Variants in PCDHA2 observed in about 807,000 individuals in gnomAD.
The protein encoded by PCDHA2 is protocadherin alpha-2.
PCDHA2 carries 58 observed loss-of-function variants against 66.0 expected under a neutral mutation model. The ratio of observed to expected loss-of-function variants is 0.88; its 90% confidence interval spans 0.71 to 1.09. The LOEUF (loss-of-function observed/expected upper bound fraction) is 1.09. Among genes scored for constraint, PCDHA2 ranks in the 50% least tolerant of loss-of-function variants. PCDHA2 has a pLI of 0.00. For missense variants in PCDHA2, 1,267 were observed against 1,242.3 expected (o/e 1.02, Z -0.30); for synonymous variants, 634 against 554.0 (o/e 1.14, Z -2.03).
At chr5:140,974,291 A>G (rs1417274006) in intron 1 of PCDHA2, among the ~76,000 whole-genome samples, 1 of 152,196 alleles carries the variant, frequency 6.6e-6, no homozygotes, top group Admixed American at 6.5e-5. Context: ...CTGGGCTCCA[A>G]GGAGGTACAA....
chr5:140,935,051 C>T (rs1554210307), intron 1 of PCDHA2, among the ~76,000 whole-genome samples: 1 of 152,096 alleles, frequency 6.6e-6, no homozygotes, highest in African/African-American at 2.4e-5. Context: ...TCTGGTATTA[C>T]AAGATGTTCA....
intron 1 of PCDHA2, chr5:140,812,723 C>A (rs1765166434): frequency 6.6e-6 from 1 of 152,228 alleles, no homozygotes; most frequent in Admixed American, 6.5e-5. Context: ...ATTCCCAAAG[C>A]ACTGGGATTA....
At chr5:140,970,693 G>C (rs2096425356) in intron 1 of PCDHA2, among the ~76,000 whole-genome samples, 1 of 152,134 alleles carries the variant, frequency 6.6e-6, no homozygotes, top group South Asian at 2.1e-4. Flanking sequence ...AGGGCTTTTA[G>C]AGCTACTACA....
chr5:140,823,533 G>C, intron 1 of PCDHA2: 1 of 1,613,766 alleles, frequency 6.2e-7, no homozygotes, highest in Non-Finnish European at 8.5e-7. Context: ...CAGTGGGTGC[G>C]GGCCACGTGG....
chr5:140,967,299 G>T, intron 1 of PCDHA2: 3 of 1,612,674 alleles, frequency 1.9e-6, no homozygotes, highest in Non-Finnish European at 2.5e-6. Flanking sequence ...CCCGACGTGG[G>T]CGCCAACTCA....
intron 1 of PCDHA2, among the ~76,000 whole-genome samples, chr5:140,908,920 C>A (rs782461394): frequency 6.6e-5 from 10 of 152,180 alleles, no homozygotes; most frequent in Admixed American, 1.3e-4. Flanking sequence ...GTAGGAGGGG[C>A]CAAATGCAGC....
intron 1 of PCDHA2, chr5:140,862,524 C>T: frequency 4.8e-6 from 2 of 417,532 alleles, no homozygotes; most frequent in Middle Eastern, 9.1e-4. Context: ...TTGTTGGCCA[C>T]AGCCATCGGG....
At chr5:140,857,658 G>A (rs17844344) in intron 1 of PCDHA2, 3 of 1,596,790 alleles carry the variant, frequency 1.9e-6, no homozygotes, top group East Asian at 2.2e-5. Context: ...GTGAGCGCGC[G>A]CGATGGGGGC....
intron 3 of PCDHA2, among the ~76,000 whole-genome samples, chr5:141,002,953 T>G (rs2098104496): frequency 1.3e-5 from 2 of 152,230 alleles, no homozygotes; most frequent in Non-Finnish European, 2.9e-5. Context: ...CATGCCCCTC[T>G]GAGAGCTTTC....
intron 1 of PCDHA2, chr5:140,850,491 C>T (rs2150486292): frequency 1.3e-6 from 2 of 1,597,970 alleles, no homozygotes; most frequent in South Asian, 1.1e-5. Flanking sequence ...GGCCACTGTG[C>T]TGGTGTCGCT....
intron 3 of PCDHA2, among the ~76,000 whole-genome samples, chr5:140,985,922 G>A (rs1361292887): frequency 6.6e-6 from 1 of 151,826 alleles, no homozygotes; most frequent in African/African-American, 2.4e-5. Flanking sequence ...TGTATTTTTA[G>A]TAGAGCCGGG....
At chr5:140,842,661 A>G in intron 1 of PCDHA2, 1 of 1,595,428 alleles carries the variant, frequency 6.3e-7, no homozygotes, top group Non-Finnish European at 8.6e-7. Flanking sequence ...GAGGTGGCCG[A>G]CGTGAACGAC....
chr5:140,969,542 C>A, intron 1 of PCDHA2: 1 of 1,279,482 alleles, frequency 7.8e-7, no homozygotes, highest in Non-Finnish European at 1.1e-6. Context: ...TTTTCAGAGG[C>A]ATGAAGCCTT....
chr5:140,966,852 T>C, intron 1 of PCDHA2: 1 of 1,572,518 alleles, frequency 6.4e-7, no homozygotes, highest in South Asian at 1.1e-5. Flanking sequence ...CTGCCTCTCC[T>C]GCTGCTGTTG....
chr5:140,993,528 A>T lies in PCDHA2; in HGVS notation c.2536+10965A>T, dbSNP rs78672098. On this transcript the variant is annotated intron_variant, in intron 3 of 3. Transcript: ENST00000526136. ...CACACACGGGGAGAGAGAGACAGAG[A>T]GAGAGAGAGATAGAGAAGTGAAGTA... Among the ~76,000 whole-genome samples the T allele has an allele frequency of 6.6e-5, 10 of 152,092 alleles. No individual in the cohort carries two copies. In the East Asian group the frequency reaches 1.2e-3, roughly 18 times the overall value.
intron 1 of PCDHA2, chr5:140,881,502 A>G: frequency 1.2e-5 from 3 of 249,864 alleles, no homozygotes; most frequent in Non-Finnish European, 1.9e-5. Context: ...ACATACACAC[A>G]CTCACATACA....
At chr5:140,963,556 T>A (rs891498931) in intron 1 of PCDHA2, among the ~76,000 whole-genome samples, 28 of 152,238 alleles carry the variant, frequency 1.8e-4, no homozygotes, top group Non-Finnish European at 3.4e-4. Context: ...AAAAAGGGGC[T>A]GTTTTCTGGT....
intron 1 of PCDHA2, chr5:140,869,206 G>T (rs192388233): frequency 7.4e-6 from 12 of 1,613,854 alleles, no homozygotes; most frequent in African/African-American, 1.3e-5. Flanking sequence ...CCACTACTCC[G>T]TCTCGGAGGA....
At chr5:140,862,674 C>G (rs782474067) in intron 1 of PCDHA2, 12 of 549,972 alleles carry the variant, frequency 2.2e-5, no homozygotes, top group African/African-American at 3.8e-5. Flanking sequence ...CGCAGGAGAA[C>G]GTGCTGGTGT....
Sources: gnomAD v4.1 joint callset for allele counts (sites outside exome capture counted in the v4.1 genomes callset) on GRCh38, gnomAD v4.1.1 for gene constraint, MANE v1.5 for transcripts, NCBI Gene and HGNC (gene_info 2026-07-23, HGNC 2026-07-21) for gene names.